The following TAFA1 variants were observed in gnomAD, a reference collection of about 807,000 sequenced individuals.
The protein encoded by TAFA1 is chemokine-like protein TAFA-1.
TAFA1 carries 4 observed loss-of-function variants against 18.5 expected under a neutral mutation model. That is an observed-to-expected ratio of 0.22 (90% confidence interval 0.11 to 0.49). The LOEUF (loss-of-function observed/expected upper bound fraction) is 0.49, where lower values mean the gene tolerates loss of function less well. TAFA1 is among the 20% of genes least tolerant of loss of function. The pLI is 0.98. For missense variants in TAFA1, 147 were observed against 169.0 expected, an observed-to-expected ratio of 0.87 and a Z score of 0.72; for synonymous variants, 56 against 55.2, an observed-to-expected ratio of 1.01 and a Z score of -0.06.
At chr3:68,096,740 A>G (rs759881633) in intron 2 of TAFA1, among the ~76,000 whole-genome samples, 12 of 152,158 alleles carry the variant, frequency 7.9e-5, no homozygotes, top group Non-Finnish European at 1.8e-4. Flanking sequence ...CAAGAAAGAC[A>G]TTGTCATTAA....
At chr3:68,088,016 G>GATAA (rs1329983384) in intron 2 of TAFA1, among the ~76,000 whole-genome samples, 1 of 152,026 alleles carries the variant, frequency 6.6e-6, no homozygotes, top group Admixed American at 6.6e-5. Context: ...GTACTACTAT[G>GATAA]ATAAATAAAT....
chr3:68,443,688 G>A lies in TAFA1; in HGVS notation c.259+26268G>A, dbSNP rs897396765. On this transcript the variant is annotated intron_variant, in intron 3 of 4. Transcript: ENST00000478136. ...CACAAGAACAGTGCAGGAAAGACCCGACCCCATAATTCAATCACCATTCAC... is the reference window on the plus strand; with the variant it reads ...CACAAGAACAGTGCAGGAAAGACCCAACCCCATAATTCAATCACCATTCAC... Among the ~76,000 whole-genome samples, 17 of 151,884 alleles carry A rather than the reference G, an allele frequency of 1.1e-4. 1 individual carries two copies. The highest frequency in any genetic ancestry group is 6.6e-4 in the Admixed American group (10 of 15,240).
At chr3:68,168,829 T>TC (rs1348131784) in intron 2 of TAFA1, among the ~76,000 whole-genome samples, 3 of 152,110 alleles carry the variant, frequency 2.0e-5, no homozygotes, top group African/African-American at 7.2e-5. Context: ...TAGCCAGGAG[T>TC]CCCTCTCAGC....
chr3:68,084,357 A>G (rs947165906), intron 2 of TAFA1, among the ~76,000 whole-genome samples: 1 of 152,208 alleles, frequency 6.6e-6, no homozygotes, highest in African/African-American at 2.4e-5. Flanking sequence ...TTGTTGTATC[A>G]GTAGCTCTTT....
chr3:68,435,095 G>A (rs928994622), intron 3 of TAFA1, among the ~76,000 whole-genome samples: 3 of 152,106 alleles, frequency 2.0e-5, no homozygotes, highest in Admixed American at 6.6e-5. Flanking sequence ...GCAGAGGTTA[G>A]GGTGTTAAAT....
chr3:68,327,960 T>G (rs2068803716), intron 2 of TAFA1, among the ~76,000 whole-genome samples: 2 of 152,204 alleles, frequency 1.3e-5, no homozygotes, highest in African/African-American at 4.8e-5. Context: ...AAAATTTTAA[T>G]GGAGGCATCT....
chr3:68,154,340 C>T (rs2065840833), intron 2 of TAFA1, among the ~76,000 whole-genome samples: 1 of 152,130 alleles, frequency 6.6e-6, no homozygotes, highest in Non-Finnish European at 1.5e-5. Context: ...CCTGCAAGAT[C>T]CCACCTTTAC....
intron 2 of TAFA1, among the ~76,000 whole-genome samples, chr3:68,099,604 T>C (rs1391532395): frequency 6.6e-6 from 1 of 152,014 alleles, no homozygotes; most frequent in East Asian, 1.9e-4. Context: ...CTCAAAGAAC[T>C]AAAAACAGAA....
At chr3:68,480,357 C>T (rs537394047) in intron 3 of TAFA1, among the ~76,000 whole-genome samples, 2 of 152,016 alleles carry the variant, frequency 1.3e-5, no homozygotes, top group South Asian at 4.2e-4. Flanking sequence ...GAGGCAAGAT[C>T]GTGCCATTGC....
chr3:68,455,447 A>G (rs924475377), intron 3 of TAFA1, among the ~76,000 whole-genome samples: 2 of 152,222 alleles, frequency 1.3e-5, no homozygotes, highest in African/African-American at 4.8e-5. Context: ...TTATAAAAGA[A>G]GTCAAAGCAG....
Position 68,248,383 on chromosome 3 carries a change from G to A in TAFA1, c.119-168897G>A, listed in dbSNP as rs2067125759. Reference sequence around the variant, plus strand: ...GCTATATAATTGTAGATCATTAGTGGGGAAAAGACTTCAATTTGCCTTAGG... The same window carrying A: ...GCTATATAATTGTAGATCATTAGTGAGGAAAAGACTTCAATTTGCCTTAGG... On this transcript the variant is annotated intron_variant, in intron 2 of 4. Transcript: ENST00000478136. 2.6e-5 allele frequency among the ~76,000 whole-genome samples: 4 copies of A among 151,826 alleles called. No individual in the cohort carries two copies. The South Asian group carries it at 8.3e-4, about 32-fold the overall frequency.
chr3:68,217,789 T>C (rs2107083604), intron 2 of TAFA1, among the ~76,000 whole-genome samples: 1 of 152,044 alleles, frequency 6.6e-6, no homozygotes, highest in Middle Eastern at 3.4e-3. Context: ...TTTATATGTA[T>C]TGATTTATTT....
At chr3:68,426,231 C>A (rs1028665021) in intron 3 of TAFA1, among the ~76,000 whole-genome samples, 1 of 151,652 alleles carries the variant, frequency 6.6e-6, no homozygotes, top group African/African-American at 2.4e-5. Flanking sequence ...TCTGTATAAA[C>A]CTAACAAAGA....
chr3:68,450,252 G>T (rs1021336024), intron 3 of TAFA1, among the ~76,000 whole-genome samples: 12 of 152,164 alleles, frequency 7.9e-5, no homozygotes, highest in African/African-American at 2.9e-4. Flanking sequence ...GGCTGTTTAT[G>T]ATTCATTCAA....
intron 3 of TAFA1, among the ~76,000 whole-genome samples, chr3:68,468,822 T>C (rs1268452146): frequency 4.6e-5 from 7 of 152,232 alleles, no homozygotes; most frequent in Non-Finnish European, 8.8e-5. Context: ...TCAGCACTTT[T>C]CTATTATCTG....
At chr3:68,195,850 C>T (rs2107025414) in intron 2 of TAFA1, among the ~76,000 whole-genome samples, 1 of 151,580 alleles carries the variant, frequency 6.6e-6, no homozygotes, top group African/African-American at 2.4e-5. Context: ...TTTGTATTTC[C>T]TTTAACTCTC....
At chr3:68,221,102 C>T (rs1170619483) in intron 2 of TAFA1, among the ~76,000 whole-genome samples, 1 of 152,176 alleles carries the variant, frequency 6.6e-6, no homozygotes, top group African/African-American at 2.4e-5. Flanking sequence ...CAAGACTTCC[C>T]TCTGGCCACT....
At chr3:68,381,239 A>G (rs1214140114) in intron 2 of TAFA1, among the ~76,000 whole-genome samples, 3 of 151,598 alleles carry the variant, frequency 2.0e-5, no homozygotes, top group Non-Finnish European at 4.4e-5. Context: ...CTTAGGATTC[A>G]CTTGGCAATG....
At position 68,030,929 on chromosome 3, in the gene TAFA1, C is replaced by A. The variant is rs1704921738; in HGVS notation, c.118+24185C>A. 2.6e-5 allele frequency among the ~76,000 whole-genome samples: 4 copies of A among 152,094 alleles called. No homozygotes were observed. In the South Asian group the frequency reaches 8.3e-4, roughly 32 times the overall value. ...CCCCTTTTTAGTGGTTTTAGAGAGA[C>A]CACAAGTCAGCTTACTTACTACTTT... On this transcript the variant is annotated intron_variant, in intron 2 of 4. Coordinates refer to ENST00000478136, the MANE Select transcript of TAFA1 (RefSeq NM_213609.4).
Sources: allele counts gnomAD v4.1 joint callset (sites outside exome capture counted in the v4.1 genomes callset), GRCh38; gene constraint gnomAD v4.1.1; transcripts MANE v1.5; gene names NCBI Gene and HGNC (gene_info 2026-07-23, HGNC 2026-07-21).